DNHD1: variants seen among roughly 807,000 people sequenced by gnomAD.
The protein encoded by DNHD1 is dynein heavy chain domain 1.
DNHD1 carries 383 observed loss-of-function variants against 458.1 expected under a neutral mutation model. That is an observed-to-expected ratio of 0.84 (90% CI 0.77 to 0.91). DNHD1 has a LOEUF of 0.91. Ranked by LOEUF, DNHD1 falls within the 40% of genes least tolerant of loss-of-function variation. DNHD1 has a pLI of 0.00. For missense variants in DNHD1, 5,336 were observed against 5,866.1 expected, an observed-to-expected ratio of 0.91 and a Z score of 2.95; for synonymous variants, 2,203 against 2,376.9, an observed-to-expected ratio of 0.93 and a Z score of 2.13.
In DNHD1 at chr11:6,498,073, C is replaced by A; in HGVS notation, c.-143C>A. 1.7e-6 allele frequency: 2 copies of A among 1,170,528 alleles called. No homozygotes were observed. The highest frequency in any genetic ancestry group is 2.4e-6 in the Non-Finnish European group (2 of 821,488). 72.5% of individuals were successfully genotyped at this position (1,170,528 alleles called of 1,614,324 possible). ...CCCATTGACTCTGACCATCCCCTGC[C>A]CAGAGCCTGAGGTCCCTTCTCTGGC... On this transcript the variant is annotated 5_prime_UTR_variant, in exon 3 of 43. Transcript: ENST00000254579.
intron 14 of DNHD1, among the ~76,000 whole-genome samples, chr11:6,534,399 G>A (rs6578758): frequency 0.87 from 132,117 of 151,858 alleles, 57,491 homozygotes; most frequent in Admixed American, 0.9. Context: ...TCACAGTCTG[G>A]TAAGGAAGGC....
Position 6,511,751 on chromosome 11 carries a change from C to G in DNHD1, c.1392+322C>G, listed in dbSNP as rs765367137. ...AATTAGGGAATTTGAGAACAGGAAT[C>G]CTGGTCTTTTATGCTGCTGAGCTTA... On this transcript the variant is annotated intron_variant, in intron 7 of 42. Transcript: ENST00000254579. 2.0e-5 allele frequency among the ~76,000 whole-genome samples: 3 copies of G among 152,304 alleles called. No individual in the cohort carries two copies. The South Asian group carries it at 6.2e-4, about 32-fold the overall frequency.
intron 10 of DNHD1, among the ~76,000 whole-genome samples, chr11:6,522,376 T>C (rs1295117215): frequency 6.6e-6 from 1 of 152,216 alleles, no homozygotes; most frequent in Non-Finnish European, 1.5e-5. Flanking sequence ...TTGCTTTTGT[T>C]GTGACTGTTT....
At chr11:6,499,064 A>G in intron 3 of DNHD1, 103 bp downstream of exon 3, 2 of 1,338,946 alleles carry the variant, frequency 1.5e-6, no homozygotes, top group South Asian at 1.5e-5. Context: ...CTCTCTGTTT[A>G]TCACAGGGAT....
Position 6,568,493 on chromosome 11 carries a change from C to G in DNHD1, c.12578C>G (p.Pro4193Arg). 3 of 1,613,944 alleles carry G rather than the reference C, an allele frequency of 1.9e-6. No homozygotes were observed. Among genetic ancestry groups the G allele is most frequent in the Non-Finnish European group, 2.5e-6 (3 of 1,179,890 alleles). ...DLESEQLLDQPESRNVSTVHR... is the reference protein window; with the variant it reads ...DLESEQLLDQRESRNVSTVHR... The stretch of plus-strand genomic sequence containing the variant: ...GAATCAGAACAGCTTTTAGACCAAC[C>G]TGAAAGCAGGAATGTAAGCACTGTT... Residue 4193 changes from proline (P) to arginine (R), a missense_variant, in exon 38 of 43, where the codon CCT becomes CGT. By Grantham distance (103) the Pro-to-Arg change is moderately radical. Around this residue, in one of 4 missense-constraint regions of DNHD1, gnomAD observed 695 missense variants for 804.2 expected, o/e 0.86. Transcript: ENST00000254579.
intron 12 of DNHD1, among the ~76,000 whole-genome samples, chr11:6,531,344 C>G (rs1407004887): frequency 6.6e-6 from 1 of 152,194 alleles, no homozygotes; most frequent in African/African-American, 2.4e-5. Flanking sequence ...GTCTCCAAAT[C>G]CTTGTCATTC....
intron 7 of DNHD1, among the ~76,000 whole-genome samples, chr11:6,512,740 T>G (rs1338765116): frequency 6.6e-6 from 1 of 152,146 alleles, no homozygotes; most frequent in Non-Finnish European, 1.5e-5. Context: ...TATAAGTTAC[T>G]TACTATTTTT....
chr11:6,519,420 C>A (rs1852556352), intron 7 of DNHD1, among the ~76,000 whole-genome samples, 180 bp from the exon 8 acceptor site: 1 of 152,092 alleles, frequency 6.6e-6, no homozygotes. Flanking sequence ...TTCACATCTT[C>A]TCTGGTCAAA....
chr11:6,568,532 G>T lies in DNHD1; in HGVS notation c.12617G>T (p.Arg4206Leu). ...RNVSTVHRDF[R>L]LWLIVPAESS... ...GTAAGCACTGTTCACAGAGATTTTC[G>T]TCTTTGGCTTATTGTGCCTGCAGAG... Residue 4206 changes from arginine to leucine, a missense_variant, in exon 38 of 43, where the codon CGT becomes CTT. By Grantham distance (102) the Arg-to-Leu change is moderately radical. Transcript: ENST00000254579. 1 of 1,613,984 alleles carries T rather than the reference G, an allele frequency of 6.2e-7. No individual in the cohort carries two copies. The highest frequency in any genetic ancestry group is 8.5e-7 in the Non-Finnish European group (1 of 1,179,898).
At chr11:6,499,097 A>T in intron 3 of DNHD1, 136 bp downstream of exon 3, 2 of 974,790 alleles carry the variant, frequency 2.1e-6, no homozygotes, top group Non-Finnish European at 2.9e-6. Flanking sequence ...ACACAAAGCT[A>T]GTGTGAGGCT....
chr11:6,511,165 C>T, intron 6 of DNHD1, 108 bp from the exon 7 acceptor site: 1 of 1,406,156 alleles, frequency 7.1e-7, no homozygotes, highest in Non-Finnish European at 9.7e-7. Flanking sequence ...ATATTACAAT[C>T]TCTATAAATA....
In DNHD1 at chr11:6,568,103, C is replaced by A; in HGVS notation, c.12399C>A (p.Asp4133Glu). The A allele has an allele frequency of 1.9e-6, 3 of 1,573,568 alleles. No homozygotes were observed. In the South Asian group the frequency reaches 3.5e-5, roughly 18 times the overall value. The change falls in exon 37 of 43, where the codon GAC becomes GAA. Residue 4133 changes from aspartate (D) to glutamate (E), a missense_variant. Transcript: ENST00000254579. ...TAGCCCTGGGCTCTGAAGCCTGGGA[C>A]CCAGTCTCAGTTGTGGTCAGCACTC... is the stretch of plus-strand genomic sequence containing the variant. The part of the protein sequence containing the change: ...QVIALGSEAW[D>E]PVSVVVSTLS...
chr11:6,570,437 T>G (rs779964597), intron 41 of DNHD1, 41 bp downstream of exon 41: 8 of 1,554,866 alleles, frequency 5.1e-6, no homozygotes, highest in Non-Finnish European at 6.1e-6. Context: ...TAGGGAATAG[T>G]GCAATGCAAT....
At chr11:6,529,514 A>C (rs1376824332) in intron 12 of DNHD1, among the ~76,000 whole-genome samples, 34 of 152,190 alleles carry the variant, frequency 2.2e-4, no homozygotes, top group Non-Finnish European at 7.3e-5. Flanking sequence ...CTGTAGTCCT[A>C]ACTTCTACTG....
chr11:6,560,434 A>G (rs528809244), intron 28 of DNHD1, among the ~76,000 whole-genome samples: 46 of 152,328 alleles, frequency 3.0e-4, no homozygotes, highest in Middle Eastern at 6.8e-3. Flanking sequence ...CCTAGGATGA[A>G]CAGCTTAGAT....
chr11:6,538,329 C>A, intron 14 of DNHD1, 54 bp from the exon 15 acceptor site: 6 of 1,527,758 alleles, frequency 3.9e-6, no homozygotes, highest in Non-Finnish European at 4.4e-6. Context: ...CATTCCACCA[C>A]CCCCCTCCCA....
chr11:6,518,777 A>C (rs538521442), intron 7 of DNHD1, among the ~76,000 whole-genome samples: 2 of 152,208 alleles, frequency 1.3e-5, no homozygotes, highest in Non-Finnish European at 2.9e-5. Flanking sequence ...CATCTTATGC[A>C]TAGGGCATGT....
intron 39 of DNHD1, among the ~76,000 whole-genome samples, chr11:6,569,469 C>T (rs1344970735): frequency 3.3e-5 from 5 of 150,304 alleles, no homozygotes; most frequent in East Asian, 2.0e-4. Context: ...GGTGACAGTG[C>T]GAGACTCTGT....
Position 6,519,775 on chromosome 11 carries a change from T to C in DNHD1, c.1568T>C (p.Leu523Pro). The C allele has an allele frequency of 6.2e-7, 1 of 1,613,896 alleles. No homozygotes were observed. Among genetic ancestry groups the C allele is most frequent in the Non-Finnish European group, 8.5e-7 (1 of 1,180,030 alleles). ...WWLQLGKFAR[L>P]VDYMICQSLI... is the part of the protein sequence containing the mutation. ...CTGCAGCTGGGAAAGTTTGCCCGCCTGGTTGACTACATGATTTGTCAGAGC... is the reference window on the plus strand; with the variant it reads ...CTGCAGCTGGGAAAGTTTGCCCGCCCGGTTGACTACATGATTTGTCAGAGC... Residue 523 changes from leucine to proline, a missense_variant, in exon 8 of 43, where the codon CTG becomes CCG. Transcript: ENST00000254579.
Sources: gnomAD v4.1 joint callset for allele counts (sites outside exome capture counted in the v4.1 genomes callset) on GRCh38, gnomAD v4.1.1 for gene constraint, gnomAD v4.1.1 regional missense constraint, MANE v1.5 for transcripts, NCBI Gene and HGNC (gene_info 2026-07-23, HGNC 2026-07-21) for gene names.